STK39: variants seen among roughly 807,000 people sequenced by gnomAD.
STK39 encodes STE20/SPS1-related proline-alanine-rich protein kinase.
Under a neutral mutation model 77.8 loss-of-function variants are expected in STK39, and 20 were observed. The observed-to-expected ratio is 0.26, with a 90% confidence interval of 0.18 to 0.37. The LOEUF is 0.37. Among genes scored for constraint, STK39 ranks in the 10% least tolerant of loss-of-function variants. The pLI is 1.00. For missense variants in STK39, 479 were observed against 656.5 expected (o/e 0.73, Z 2.95); for synonymous variants, 246 against 234.1 (o/e 1.05, Z -0.47).
chr2:168,129,408 G>A, intron 10 of STK39, 133 bp downstream of exon 10: 1 of 955,668 alleles, frequency 1.0e-6, no homozygotes, highest in Non-Finnish European at 1.6e-6. Flanking sequence ...GCAGTTATCT[G>A]AGTAATCACT....
chr2:168,098,211 A>G (rs536596716), intron 10 of STK39, among the ~76,000 whole-genome samples: 2 of 152,358 alleles, frequency 1.3e-5, no homozygotes, highest in South Asian at 2.1e-4. Context: ...TCAAGTGCAC[A>G]TGTACTTTTA....
At chr2:168,068,717 C>T (rs186696887) in intron 12 of STK39, among the ~76,000 whole-genome samples, 2 of 152,258 alleles carry the variant, frequency 1.3e-5, no homozygotes, top group East Asian at 3.9e-4. Context: ...CTAACAACTG[C>T]TCAAAAGGGC....
At chr2:167,980,847 T>C (rs1683398880) in intron 16 of STK39, among the ~76,000 whole-genome samples, 1 of 151,962 alleles carries the variant, frequency 6.6e-6, no homozygotes, top group Admixed American at 6.6e-5. Context: ...TCTGTAGTAA[T>C]TTCCAAAACC....
At chr2:168,171,850 C>T (rs1353656041) in intron 2 of STK39, among the ~76,000 whole-genome samples, 1 of 110,980 alleles carries the variant, frequency 9.0e-6, no homozygotes, top group Non-Finnish European at 1.7e-5. Context: ...CCACGCCCCC[C>T]CCACTCCCCC....
At chr2:168,173,370 C>T (rs953053445) in intron 2 of STK39, among the ~76,000 whole-genome samples, 3 of 152,124 alleles carry the variant, frequency 2.0e-5, no homozygotes, top group African/African-American at 7.2e-5. Context: ...GTAACCTAAT[C>T]AATATTCACA....
intron 16 of STK39, among the ~76,000 whole-genome samples, chr2:167,970,204 A>T (rs572591831): frequency 6.6e-6 from 1 of 152,206 alleles, no homozygotes; most frequent in African/African-American, 2.4e-5. Flanking sequence ...CATAGCACTT[A>T]TCACCACCTG....
intron 14 of STK39, among the ~76,000 whole-genome samples, chr2:168,036,933 G>C (rs1408700225): frequency 6.6e-6 from 1 of 152,146 alleles, no homozygotes; most frequent in Non-Finnish European, 1.5e-5. Flanking sequence ...GACTTCAGCA[G>C]GTAATCACTA....
At chr2:168,036,357 G>T (rs1405631728) in intron 14 of STK39, among the ~76,000 whole-genome samples, 3 of 150,018 alleles carry the variant, frequency 2.0e-5, no homozygotes, top group Non-Finnish European at 4.4e-5. Context: ...GACTCCATCA[G>T]AGTCAGAAAC....
intron 5 of STK39, among the ~76,000 whole-genome samples, chr2:168,158,653 A>C (rs1251061083): frequency 3.3e-5 from 5 of 152,176 alleles, no homozygotes; most frequent in Non-Finnish European, 7.4e-5. Context: ...CCAAACCCAA[A>C]GCATGGCTAC....
chr2:168,139,206 A>G (rs1003276517), intron 7 of STK39, among the ~76,000 whole-genome samples: 1 of 152,166 alleles, frequency 6.6e-6, no homozygotes, highest in Non-Finnish European at 1.5e-5. Context: ...GGTGGGAAAC[A>G]CTGAGAAGAG....
intron 16 of STK39, among the ~76,000 whole-genome samples, chr2:167,987,160 T>C (rs1683581282): frequency 6.6e-6 from 1 of 152,128 alleles, no homozygotes; most frequent in Admixed American, 6.5e-5. Context: ...AATTCATAGT[T>C]CAAAAGACTG....
intron 16 of STK39, among the ~76,000 whole-genome samples, chr2:168,001,976 G>A (rs188394573): frequency 2.0e-5 from 3 of 152,314 alleles, no homozygotes; most frequent in East Asian, 1.9e-4. Context: ...AAAGTGTGGC[G>A]AGACTGAGTG....
intron 5 of STK39, among the ~76,000 whole-genome samples, chr2:168,142,622 G>T (rs1290427054): frequency 6.6e-6 from 1 of 152,086 alleles, no homozygotes; most frequent in African/African-American, 2.4e-5. Context: ...TTAGAAAACA[G>T]CCGAAAAAGA....
intron 1 of STK39, among the ~76,000 whole-genome samples, chr2:168,196,234 T>C: frequency 6.6e-6 from 1 of 152,278 alleles, no homozygotes; most frequent in East Asian, 1.9e-4. Context: ...TGTACTTGTT[T>C]ATTCATTGAA....
intron 5 of STK39, among the ~76,000 whole-genome samples, chr2:168,155,540 G>A (rs1364347812): frequency 2.0e-5 from 3 of 151,776 alleles, no homozygotes; most frequent in South Asian, 2.1e-4. Context: ...CAAATATTTC[G>A]GTTCACTATA....
intron 10 of STK39, among the ~76,000 whole-genome samples, chr2:168,075,604 G>T (rs957907724): frequency 6.6e-6 from 1 of 151,616 alleles, no homozygotes; most frequent in East Asian, 1.9e-4. Context: ...CTAAGGAAGC[G>T]CATGCAAGCA....
At chr2:168,088,530 C>T (rs1490779127) in intron 10 of STK39, among the ~76,000 whole-genome samples, 1 of 152,188 alleles carries the variant, frequency 6.6e-6, no homozygotes, top group Non-Finnish European at 1.5e-5. Context: ...CACTGTTGAT[C>T]AGAGTGTGAG....
chr2:168,080,741 A>C lies in STK39; in HGVS notation c.1090-5510T>G, dbSNP rs561283263. Among the ~76,000 whole-genome samples, 6 of 152,310 alleles carry C rather than the reference A, an allele frequency of 3.9e-5. No homozygotes were observed. In the South Asian group the frequency reaches 1.2e-3, roughly 32 times the overall value. On this transcript the variant is annotated intron_variant, in intron 10 of 17. Transcript: ENST00000355999. ...ACAGGGCTGGAAGTTTAGCAGGAAA[A>C]AAATGGTTTCTTGGGCTGGGCCCAG... is the stretch of plus-strand genomic sequence containing the variant.
At chr2:168,137,605 T>C (rs1687872755) in intron 8 of STK39, among the ~76,000 whole-genome samples, 1 of 152,234 alleles carries the variant, frequency 6.6e-6, no homozygotes, top group African/African-American at 2.4e-5. Flanking sequence ...TCCTTAATCT[T>C]CTTTACTGAT....
Sources: gnomAD v4.1 joint callset for allele counts (sites outside exome capture counted in the v4.1 genomes callset) on GRCh38, gnomAD v4.1.1 for gene constraint, MANE v1.5 for transcripts, NCBI Gene and HGNC (gene_info 2026-07-23, HGNC 2026-07-21) for gene names.